Variants in ARHGAP31 observed in about 807,000 individuals in gnomAD.
The protein encoded by ARHGAP31 is Rho GTPase activating protein 31.
ARHGAP31 carries 34 observed loss-of-function variants against 113.9 expected under a neutral mutation model. The observed-to-expected ratio is 0.30, with a 90% CI of 0.23 to 0.40. ARHGAP31 has a LOEUF of 0.40. Among genes scored for constraint, ARHGAP31 ranks in the 10% least tolerant of loss-of-function variants. ARHGAP31 has a pLI of 1.00. For missense variants in ARHGAP31, 1,548 were observed against 1,767.1 expected, an observed-to-expected ratio of 0.88 and a Z score of 2.22; for synonymous variants, 650 against 684.8, an observed-to-expected ratio of 0.95 and a Z score of 0.79.
intron 1 of ARHGAP31, among the ~76,000 whole-genome samples, chr3:119,303,721 T>C (rs1382949590): frequency 6.6e-6 from 1 of 152,190 alleles, no homozygotes; most frequent in African/African-American, 2.4e-5. Context: ...CTATAGGCTA[T>C]GTGAAGGCAA....
Position 119,382,307 on chromosome 3 carries a change from G to A in ARHGAP31, c.447G>A (p.Leu149=), listed in dbSNP as rs1282513906. ...ACCATTCTAGGACCTTGGAATACCT[G>A]ATTCGACACCTGGCCCATATCGCCT... ...PPSHYRTLEY[L]IRHLAHIASF... is the part of the protein sequence containing the mutation. Residue 149 remains leucine (L), a synonymous_variant, in exon 5 of 12, where the codon CTG becomes CTA. Coordinates refer to ENST00000264245, the MANE Select transcript of ARHGAP31 (RefSeq NM_020754.4). 6.2e-7 allele frequency: 1 copy of A among 1,614,138 alleles called. No homozygotes were observed. The highest frequency in any genetic ancestry group is 2.2e-5 in the East Asian group (1 of 44,886).
At chr3:119,362,134 T>G (rs1179991631) in intron 1 of ARHGAP31, among the ~76,000 whole-genome samples, 1 of 152,220 alleles carries the variant, frequency 6.6e-6, no homozygotes, top group Non-Finnish European at 1.5e-5. Context: ...AACAGGTTGG[T>G]TACCCTGTAC....
intron 1 of ARHGAP31, among the ~76,000 whole-genome samples, chr3:119,358,119 G>A (rs2080174077): frequency 6.6e-6 from 1 of 152,204 alleles, no homozygotes; most frequent in African/African-American, 2.4e-5. Context: ...GCCAATCATA[G>A]GTCTAATAAG....
At chr3:119,376,423 A>G (rs1404919407) in intron 3 of ARHGAP31, among the ~76,000 whole-genome samples, 1 of 151,958 alleles carries the variant, frequency 6.6e-6, no homozygotes, top group Non-Finnish European at 1.5e-5. Flanking sequence ...TGGAAGGTGG[A>G]GGTTGCAAAT....
At chr3:119,385,538 C>T (rs536003478) in intron 6 of ARHGAP31, among the ~76,000 whole-genome samples, 43 of 152,012 alleles carry the variant, frequency 2.8e-4, no homozygotes, top group African/African-American at 1.0e-3. Flanking sequence ...ATATAAAAAC[C>T]TTTTTGAAAG....
At position 119,416,945 on chromosome 3, in the gene ARHGAP31, A is replaced by T. The variant is rs2080784167; in HGVS notation, c.*681A>T. The T allele has an allele frequency of 6.4e-6, 1 of 155,982 alleles. No individual in the cohort carries two copies. Among genetic ancestry groups the T allele is most frequent in the Non-Finnish European group, 1.4e-5 (1 of 70,634 alleles). The allele number at this position is 155,982 out of a possible 1,614,324, so 9.7% of individuals were successfully genotyped here. ...ATCAGAATCAAGAGCAAACTCTGAGACTGGCACAATCCAAGAAGATTTCCT... is the reference window on the plus strand; with the variant it reads ...ATCAGAATCAAGAGCAAACTCTGAGTCTGGCACAATCCAAGAAGATTTCCT... On this transcript the variant is annotated 3_prime_UTR_variant, in exon 12 of 12. Coordinates refer to ENST00000264245, the MANE Select transcript of ARHGAP31 (RefSeq NM_020754.4).
intron 3 of ARHGAP31, 67 bp downstream of exon 3, chr3:119,368,583 C>T: frequency 2.5e-6 from 4 of 1,575,404 alleles, no homozygotes; most frequent in East Asian, 2.2e-5. Context: ...AGAGTTTCAG[C>T]ACTAAAATAA....
chr3:119,297,104 A>G (rs954829414), intron 1 of ARHGAP31, among the ~76,000 whole-genome samples: 2 of 152,252 alleles, frequency 1.3e-5, no homozygotes, highest in Non-Finnish European at 2.9e-5. Context: ...ATTGTGCTAC[A>G]CGGAAATTAG....
chr3:119,332,333 G>A (rs2079898103), intron 1 of ARHGAP31, among the ~76,000 whole-genome samples: 1 of 151,798 alleles, frequency 6.6e-6, no homozygotes, highest in Non-Finnish European at 1.5e-5. Context: ...CCAAGTGGCT[G>A]GGATTACAGG....
At chr3:119,353,633 T>C (rs1428204578) in intron 1 of ARHGAP31, among the ~76,000 whole-genome samples, 1 of 151,894 alleles carries the variant, frequency 6.6e-6, no homozygotes, top group African/African-American at 2.4e-5. Flanking sequence ...TGAAACCCTG[T>C]CTCTACTAAA....
Position 119,400,251 on chromosome 3 carries a change from G to A in ARHGAP31, c.1069+990G>A, listed in dbSNP as rs2080589208. ...GTTCGAGACCAGCCTGGCCAACATG[G>A]TGAAATCCTCTCTGTACTAAAAAAA... On this transcript the variant is annotated intron_variant, in intron 9 of 11. Transcript: ENST00000264245. Among the ~76,000 whole-genome samples, 3 of 152,230 alleles carry A rather than the reference G, an allele frequency of 2.0e-5. No individual in the cohort carries two copies. The South Asian group carries it at 6.2e-4, about 32-fold the overall frequency.
rs567122859 is a variant in ARHGAP31 at position 119,319,471 on chromosome 3, C to T, written c.100+24467C>T. On this transcript the variant is annotated intron_variant, in intron 1 of 11. Coordinates refer to ENST00000264245, the MANE Select transcript of ARHGAP31 (RefSeq NM_020754.4). ...AACCACGGTACATTATAGCATAAGACATCTTAAGAAGATAACATTTCACTG... is the reference window on the plus strand; with the variant it reads ...AACCACGGTACATTATAGCATAAGATATCTTAAGAAGATAACATTTCACTG... 1.1e-4 allele frequency among the ~76,000 whole-genome samples: 16 copies of T among 152,174 alleles called. No individual in the cohort carries two copies. In the South Asian group the frequency reaches 3.3e-3, roughly 32 times the overall value.
intron 1 of ARHGAP31, among the ~76,000 whole-genome samples, chr3:119,297,775 C>G (rs868342328): frequency 1.1e-4 from 17 of 152,304 alleles, no homozygotes; most frequent in Middle Eastern, 6.8e-3. Context: ...CTGCTACTTT[C>G]AGCTGGACAA....
intron 1 of ARHGAP31, among the ~76,000 whole-genome samples, chr3:119,297,380 A>G (rs2079542494): frequency 6.6e-6 from 1 of 152,210 alleles, no homozygotes; most frequent in Non-Finnish European, 1.5e-5. Flanking sequence ...ACCTTGGAAG[A>G]TCAGCCCAGA....
chr3:119,353,241 G>A (rs981802806), intron 1 of ARHGAP31, among the ~76,000 whole-genome samples: 31 of 152,186 alleles, frequency 2.0e-4, no homozygotes, highest in African/African-American at 7.0e-4. Flanking sequence ...CAAGACAGCT[G>A]GCTCTCTAAA....
chr3:119,396,513 C>T (rs1306894668), intron 8 of ARHGAP31, among the ~76,000 whole-genome samples: 2 of 152,166 alleles, frequency 1.3e-5, no homozygotes, highest in South Asian at 4.1e-4. Context: ...TTGCTGGCAA[C>T]TCTGGAAAAT....
At chr3:119,370,018 AC>A (rs1307376269) in intron 3 of ARHGAP31, among the ~76,000 whole-genome samples, 5 of 152,132 alleles carry the variant, frequency 3.3e-5, no homozygotes, top group Admixed American at 3.3e-4. Flanking sequence ...ATAAATGTTG[AC>A]CTCTAGAGAA....
At chr3:119,372,511 G>A (rs147781636) in intron 3 of ARHGAP31, among the ~76,000 whole-genome samples, 14,695 of 152,134 alleles carry the variant, frequency 0.097, 963 homozygotes, top group Admixed American at 0.21. Flanking sequence ...TTGAACTTCT[G>A]ACCTCAGGTG....
At chr3:119,319,701 G>A (rs1451069326) in intron 1 of ARHGAP31, among the ~76,000 whole-genome samples, 1 of 152,188 alleles carries the variant, frequency 6.6e-6, no homozygotes, top group East Asian at 1.9e-4. Context: ...AGAACCATGA[G>A]CGGTTCCCCC....
Sources: allele counts gnomAD v4.1 joint callset (sites outside exome capture counted in the v4.1 genomes callset), GRCh38; gene constraint gnomAD v4.1.1; transcripts MANE v1.5; gene names NCBI Gene and HGNC (gene_info 2026-07-23, HGNC 2026-07-21).